Variants in ZNF273 observed in about 807,000 individuals in gnomAD.
ZNF273 encodes the protein zinc finger protein 9.
A neutral mutation model predicts 14.9 loss-of-function variants in ZNF273; 11 were observed. That is an observed-to-expected ratio of 0.74 (90% confidence interval 0.46 to 1.22). The LOEUF is 1.22. Among genes scored for constraint, ZNF273 ranks in the 50% most tolerant of loss-of-function variants. ZNF273 has a pLI of 0.00. For synonymous variants in ZNF273, 199 were observed against 223.9 expected (o/e 0.89, Z 0.99); for missense variants, 577 against 660.6 (o/e 0.87, Z 1.39).
chr7:64,927,650 T>C lies in ZNF273; in HGVS notation c.326-4T>C, dbSNP rs753092308. ...GGGGTAATTGTTACTTTTATTTCTT[T>C]CAGTTGTGTGTTCTCATTTTGCCCA... is the stretch of plus-strand genomic sequence containing the variant. On this transcript the variant is annotated splice_region_variant and splice_polypyrimidine_tract_variant and intron_variant, in intron 3 of 3. Coordinates refer to ENST00000476120, the MANE Select transcript of ZNF273 (RefSeq NM_021148.3). The C allele has an allele frequency of 5.2e-6, 8 of 1,550,602 alleles. No individual in the cohort carries two copies. The highest frequency in any genetic ancestry group is 1.7e-4 in the Middle Eastern group (1 of 5,740).
intron 1 of ZNF273, among the ~76,000 whole-genome samples, chr7:64,911,280 C>CTTT (rs58701857): frequency 1.6e-5 from 2 of 128,424 alleles, no homozygotes; most frequent in South Asian, 2.3e-4. Context: ...GTGAACTAGC[C>CTTT]TTTTTTTTTT....
intron 1 of ZNF273, 36 bp downstream of exon 1, chr7:64,903,455 G>A (rs1362607393): frequency 6.3e-7 from 1 of 1,581,734 alleles, no homozygotes; most frequent in African/African-American, 1.3e-5. Flanking sequence ...GAGAGAGGGG[G>A]AGGGCCTGGT....
At chr7:64,905,840 G>T (rs1381013294) in intron 1 of ZNF273, among the ~76,000 whole-genome samples, 2 of 152,070 alleles carry the variant, frequency 1.3e-5, no homozygotes, top group African/African-American at 4.8e-5. Context: ...ATCTTGAAAA[G>T]ATTTCTTCAC....
At chr7:64,903,242 A>T (rs932936531), upstream of ZNF273, 8 of 1,240,590 alleles carry the variant, frequency 6.4e-6, no homozygotes, top group Non-Finnish European at 9.3e-6. Flanking sequence ...TGGAGCGGAC[A>T]GGACGGCTTC....
downstream of ZNF273, among the ~76,000 whole-genome samples, chr7:64,934,216 T>C (rs904180668): frequency 6.6e-6 from 1 of 151,026 alleles, no homozygotes; most frequent in Non-Finnish European, 1.5e-5. Context: ...TTTTTTTTTA[T>C]ATTAAAGTCT....
At chr7:64,885,496 G>T (rs867641977) in intron 1 of ZNF273, among the ~76,000 whole-genome samples, 1 of 152,224 alleles carries the variant, frequency 6.6e-6, no homozygotes, top group African/African-American at 2.4e-5. Flanking sequence ...TTGGTGATAT[G>T]AGGTCCCACT....
chr7:64,903,127 A>G (rs764571609), upstream of ZNF273: 2 of 512,712 alleles, frequency 3.9e-6, no homozygotes, highest in Non-Finnish European at 7.0e-6. Context: ...CTTTCAGCCC[A>G]GCAACTGAGC....
At chr7:64,911,491 G>C (rs983502610) in intron 1 of ZNF273, among the ~76,000 whole-genome samples, 1 of 151,968 alleles carries the variant, frequency 6.6e-6, no homozygotes, top group African/African-American at 2.4e-5. Flanking sequence ...TCGAACTCCC[G>C]ACCTGAGGTG....
At chr7:64,934,738 G>A (rs2129111384), downstream of ZNF273, among the ~76,000 whole-genome samples, 1 of 152,140 alleles carries the variant, frequency 6.6e-6, no homozygotes, top group Admixed American at 6.5e-5. Flanking sequence ...AAGTCAGGTA[G>A]GGTAATAACT....
At chr7:64,922,731 G>A (rs114389677) in intron 3 of ZNF273, among the ~76,000 whole-genome samples, 3,466 of 152,044 alleles carry the variant, frequency 0.023, 128 homozygotes, top group African/African-American at 0.08. Flanking sequence ...TTGGGATGCC[G>A]AGGCGAGTAG....
downstream of ZNF273, among the ~76,000 whole-genome samples, chr7:64,931,797 T>C (rs538339010): frequency 3.3e-5 from 5 of 152,130 alleles, no homozygotes; most frequent in Non-Finnish European, 7.4e-5. Flanking sequence ...TTGAAGTTAG[T>C]TTGTAACTTC....
At chr7:64,920,004 G>A (rs1343221910) in intron 3 of ZNF273, among the ~76,000 whole-genome samples, 1 of 151,694 alleles carries the variant, frequency 6.6e-6, no homozygotes, top group Non-Finnish European at 1.5e-5. Context: ...TTGCATTGGT[G>A]TCTGTGAATT....
At chr7:64,878,838 G>C (rs573834992) in intron 2 of ZNF273, among the ~76,000 whole-genome samples, 1 of 152,144 alleles carries the variant, frequency 6.6e-6, no homozygotes, top group Admixed American at 6.5e-5. Flanking sequence ...GGTTTCCATG[G>C]TCTGGCTCAA....
At position 64,929,625 on chromosome 7, in the gene ZNF273, A is replaced by G. The variant is rs1439639615; in HGVS notation, c.*587A>G. 1 of 152,292 alleles carries G rather than the reference A, an allele frequency of 6.6e-6. No homozygotes were observed. The highest frequency in any genetic ancestry group is 2.4e-5 in the African/African-American group (1 of 41,472). The allele number at this position is 152,292 out of a possible 1,614,324, so 9.4% of individuals were successfully genotyped here. ...AAATATCAGAGAATTCACAATACAG[A>G]TATCTAAGATACTGACACTTCAGAC... On this transcript the variant is annotated 3_prime_UTR_variant, in exon 4 of 4. Coordinates refer to ENST00000476120, the MANE Select transcript of ZNF273 (RefSeq NM_021148.3).
chr7:64,923,462 C>T (rs1438040876), intron 3 of ZNF273: 1 of 434,894 alleles, frequency 2.3e-6, no homozygotes, highest in East Asian at 7.2e-5. Context: ...CTGCCTCAGC[C>T]TCCCGAGTAG....
At chr7:64,890,379 C>G (rs369852061), downstream of ZNF273, among the ~76,000 whole-genome samples, 1 of 151,968 alleles carries the variant, frequency 6.6e-6, no homozygotes, top group Non-Finnish European at 1.5e-5. Context: ...GAGCAGGTTC[C>G]GTGATCAGCT....
chr7:64,917,415 AC>A (rs1461035352), intron 1 of ZNF273, among the ~76,000 whole-genome samples, 165 bp from the exon 2 acceptor site: 4 of 152,236 alleles, frequency 2.6e-5, no homozygotes, highest in African/African-American at 9.6e-5. Flanking sequence ...GTTAGAGAAC[AC>A]ATTTGAGAAT....
intron 1 of ZNF273, chr7:64,916,902 T>C: frequency 1.3e-6 from 1 of 790,224 alleles, no homozygotes; most frequent in Non-Finnish European, 1.6e-6. Flanking sequence ...TTCTCTTCTT[T>C]ATTAAGTATC....
chr7:64,905,542 A>G (rs1793049309), intron 1 of ZNF273, among the ~76,000 whole-genome samples: 1 of 142,956 alleles, frequency 7.0e-6, no homozygotes, highest in East Asian at 2.0e-4. Context: ...GCTGGTATTA[A>G]GGGGAAAACA....
Sources: allele counts gnomAD v4.1 joint callset (sites outside exome capture counted in the v4.1 genomes callset), GRCh38; gene constraint gnomAD v4.1.1; transcripts MANE v1.5; gene names NCBI Gene and HGNC (gene_info 2026-07-23, HGNC 2026-07-21).